The following EP300 variants were observed in gnomAD, a reference collection of about 807,000 sequenced individuals.
EP300 encodes histone acetyltransferase p300.
EP300 carries 31 observed loss-of-function variants against 264.0 expected under a neutral mutation model. The ratio of observed to expected loss-of-function variants is 0.12; its 90% CI spans 0.09 to 0.16. EP300 has a LOEUF of 0.16. Ranked by LOEUF, EP300 falls within the 10% of genes least tolerant of loss-of-function variation. The probability of loss-of-function intolerance (pLI) is 1.00; values close to 1 mark genes in which losing one functional copy is unlikely to be tolerated. For synonymous variants in EP300, 1,340 were observed against 1,045.4 expected (o/e 1.28, Z -5.44); for missense variants, 2,766 against 3,052.9 (o/e 0.91, Z 2.21).
At position 41,131,628 on chromosome 22, in the gene EP300, A is replaced by G; in HGVS notation, c.1523A>G (p.Asn508Ser). Residue 508 changes from asparagine to serine, a missense_variant, in exon 6 of 31, where the codon AAC (asparagine) becomes AGC (serine). Physicochemically the swap from Asn to Ser is conservative, Grantham distance 46 (BLOSUM62 1). Coordinates refer to ENST00000263253, the MANE Select transcript of EP300 (RefSeq NM_001429.4). ...CCCCAAGGCATGCGGCCCATGAGCA[A>G]CATGAGTAAGTTTGTGTCATCCTAA... Reference protein sequence around the residue: ...QSPQGMRPMSNMSASPMGVNG... With the variant: ...QSPQGMRPMSSMSASPMGVNG... 6.2e-7 allele frequency: 1 copy of G among 1,614,182 alleles called. No individual in the cohort carries two copies. Among genetic ancestry groups the G allele is most frequent in the Admixed American group, 1.7e-5 (1 of 60,022 alleles).
intron 21 of EP300, among the ~76,000 whole-genome samples, chr22:41,163,226 G>C (rs1357903318): frequency 2.8e-5 from 4 of 145,270 alleles, no homozygotes; most frequent in Non-Finnish European, 6.0e-5. Flanking sequence ...ACGAGGTCAG[G>C]AGATCGAGAC....
chr22:41,169,040 A>G lies in EP300; in HGVS notation c.4172+173A>G, dbSNP rs2059155694. The stretch of plus-strand genomic sequence containing the variant: ...AGATTAAAAAGCAAACCCCCAAACA[A>G]AATAACCGCTCAATACTGCTCTTCT... On this transcript the variant is annotated intron_variant, in intron 25 of 30. Transcript: ENST00000263253. 4 of 814,848 alleles carry G rather than the reference A, an allele frequency of 4.9e-6. No individual in the cohort carries two copies. In the Admixed American group the frequency reaches 6.1e-5, roughly 12 times the overall value. 50.5% of individuals were successfully genotyped at this position (814,848 alleles called of 1,614,324 possible). A position where few individuals can be genotyped will look rare whatever the true frequency, so the allele number is the denominator to read the frequency against.
chr22:41,143,586 T>G (rs983744849), intron 10 of EP300, among the ~76,000 whole-genome samples: 3 of 148,308 alleles, frequency 2.0e-5, no homozygotes, highest in African/African-American at 7.4e-5. Context: ...TTTGTTTTTG[T>G]TTTTTTTTTG....
intron 2 of EP300, among the ~76,000 whole-genome samples, chr22:41,122,741 A>G (rs1050682255): frequency 8.5e-5 from 13 of 152,096 alleles, no homozygotes; most frequent in Admixed American, 2.0e-4. Context: ...TGCAGAGTAT[A>G]GATATTGCAT....
chr22:41,146,641 A>G, intron 10 of EP300, 98 bp from the exon 11 acceptor site: 3 of 976,136 alleles, frequency 3.1e-6, no homozygotes, highest in Non-Finnish European at 4.9e-6. Flanking sequence ...TTTCAAAGGT[A>G]TTATTAAAAA....
intron 11 of EP300, 70 bp downstream of exon 11, chr22:41,146,886 T>G (rs2059014004): frequency 1.5e-6 from 2 of 1,321,666 alleles, no homozygotes; most frequent in Non-Finnish European, 2.1e-6. Context: ...ACTTGCTACC[T>G]GAACACCCGC....
chr22:41,125,226 C>T (rs1456082193), intron 2 of EP300, among the ~76,000 whole-genome samples: 1 of 146,508 alleles, frequency 6.8e-6, no homozygotes, highest in African/African-American at 2.5e-5. Context: ...TCACTCCATT[C>T]TCCTGCCTCA....
chr22:41,134,622 T>A (rs2058939609), intron 6 of EP300, among the ~76,000 whole-genome samples: 1 of 152,200 alleles, frequency 6.6e-6, no homozygotes, highest in South Asian at 2.1e-4. Context: ...CTTGAACTCC[T>A]GAGCTCAAGT....
At chr22:41,170,304 A>G in intron 26 of EP300, 102 bp from the exon 27 acceptor site, 1 of 1,156,144 alleles carries the variant, frequency 8.6e-7, no homozygotes, top group Non-Finnish European at 1.3e-6. Context: ...ATCTTGGGAA[A>G]AATTATTGGT....
chr22:41,179,435 A>AATTACATTCTATAT lies in EP300; in HGVS notation c.*482_*495dup, dbSNP rs1368578184. On this transcript the variant is annotated 3_prime_UTR_variant, in exon 31 of 31. Transcript: ENST00000263253. Reference sequence around the variant, plus strand: ...ACAAAAGGGGTTAATGTTACTTTAAAATTACATTCTATATATATATAAATA... The same window carrying AATTACATTCTATAT: ...ACAAAAGGGGTTAATGTTACTTTAAAATTACATTCTATATATTACATTCTATATATATATAAATA... 6.2e-5 allele frequency: 11 copies of AATTACATTCTATAT among 176,546 alleles called. No homozygotes were observed. Among genetic ancestry groups the AATTACATTCTATAT allele is most frequent in the Admixed American group, 1.3e-4 (2 of 15,528 alleles). 10.9% of individuals were successfully genotyped at this position (176,546 alleles called of 1,614,324 possible). A position where few individuals can be genotyped will look rare whatever the true frequency, so the allele number is the denominator to read the frequency against.
intron 2 of EP300, among the ~76,000 whole-genome samples, chr22:41,121,939 C>A (rs974361348): frequency 2.6e-5 from 4 of 152,002 alleles, no homozygotes; most frequent in East Asian, 1.9e-4. Context: ...ACAGGTTAAA[C>A]AACTCCCCCA....
intron 7 of EP300, among the ~76,000 whole-genome samples, chr22:41,136,765 A>G (rs1293284796): frequency 6.6e-6 from 1 of 152,214 alleles, no homozygotes; most frequent in African/African-American, 2.4e-5. Context: ...CACAAGCCTT[A>G]GAAAACTAAG....
chr22:41,172,677 G>A lies in EP300; in HGVS notation c.4617+14G>A, dbSNP rs1362637110. On this transcript the variant is annotated intron_variant, in intron 28 of 30. Transcript: ENST00000263253. ...GAAAGCACAGATGTAAGGGCATTGA[G>A]TTTCCTTTGAAACTTCTATCATGAT... The A allele has an allele frequency of 4.3e-6, 7 of 1,609,604 alleles. No homozygotes were observed. Among genetic ancestry groups the A allele is most frequent in the Non-Finnish European group, 5.9e-6 (7 of 1,177,554 alleles).
Position 41,135,876 on chromosome 22 carries a change from CAA to C in EP300, c.1593_1594del (p.Met532ValfsTer14). The C allele has an allele frequency of 6.2e-7, 1 of 1,614,078 alleles. No individual in the cohort carries two copies. Among genetic ancestry groups the C allele is most frequent in the Non-Finnish European group, 8.5e-7 (1 of 1,179,974 alleles). On this transcript the variant is annotated frameshift_variant, in exon 7 of 31. Transcript: ENST00000263253. LOFTEE classifies it high-confidence loss of function. ...CAAACGCCGAGTCTTCTTTCTGACT[CAA>C]TGTTGCATTCAGCCATAAATTCTCA...
chr22:41,096,335 G>T (rs942075565), intron 1 of EP300, among the ~76,000 whole-genome samples: 1 of 152,126 alleles, frequency 6.6e-6, no homozygotes, highest in Non-Finnish European at 1.5e-5. Context: ...CAGTGAACAC[G>T]TTTTGTCACT....
intron 1 of EP300, among the ~76,000 whole-genome samples, chr22:41,102,030 T>C (rs1459049631): frequency 2.6e-5 from 2 of 76,402 alleles, no homozygotes; most frequent in Non-Finnish European, 5.9e-5. Context: ...TTTTCTTTTC[T>C]TTTTTTTTTT....
intron 2 of EP300, among the ~76,000 whole-genome samples, chr22:41,125,280 G>A (rs200523030): frequency 2.0e-5 from 3 of 151,438 alleles, no homozygotes; most frequent in South Asian, 2.1e-4. Context: ...CACCACACCC[G>A]GCTAATTTTT....
At chr22:41,150,501 A>G (rs1316725593) in intron 14 of EP300, among the ~76,000 whole-genome samples, 1 of 152,174 alleles carries the variant, frequency 6.6e-6, no homozygotes, top group Non-Finnish European at 1.5e-5. Context: ...CTCCTTATTT[A>G]GTATATTATT....
intron 7 of EP300, among the ~76,000 whole-genome samples, chr22:41,136,723 A>T (rs2058953064): frequency 6.6e-6 from 1 of 152,160 alleles, no homozygotes; most frequent in African/African-American, 2.4e-5. Context: ...CCCTGAGGTG[A>T]GCTGTGTTAA....
Sources: gnomAD v4.1 joint callset for allele counts (sites outside exome capture counted in the v4.1 genomes callset) on GRCh38, gnomAD v4.1.1 for gene constraint, MANE v1.5 for transcripts, NCBI Gene and HGNC (gene_info 2026-07-23, HGNC 2026-07-21) for gene names.